Variants in NRXN3 observed in about 807,000 individuals in gnomAD.
NRXN3 encodes the protein neurexin III.
A neutral mutation model predicts 137.6 loss-of-function variants in NRXN3; 32 were observed. That is an observed-to-expected ratio of 0.23 (90% confidence interval 0.18 to 0.31). NRXN3 has a LOEUF of 0.31. NRXN3 is among the 10% of genes least tolerant of loss of function. NRXN3 has a pLI of 1.00. For synonymous variants in NRXN3, 798 were observed against 784.5 expected, an observed-to-expected ratio of 1.02 and a Z score of -0.29; for missense variants, 1,574 against 2,062.5, an observed-to-expected ratio of 0.76 and a Z score of 4.59.
chr14:79,593,630 C>T (rs1164564506), intron 16 of NRXN3, among the ~76,000 whole-genome samples: 2 of 74,802 alleles, frequency 2.7e-5, no homozygotes, highest in South Asian at 9.2e-4. Context: ...GACTCCGTCT[C>T]AAAAAAAAAA....
chr14:78,783,156 G>A (rs183029305), intron 8 of NRXN3, among the ~76,000 whole-genome samples: 1 of 152,304 alleles, frequency 6.6e-6, no homozygotes, highest in East Asian at 1.9e-4. Context: ...GAACTTGGAA[G>A]ATCCTGACTT....
chr14:78,875,127 G>A (rs926994030), intron 10 of NRXN3, among the ~76,000 whole-genome samples: 11 of 152,152 alleles, frequency 7.2e-5, no homozygotes, highest in African/African-American at 2.7e-4. Context: ...CTTGCATAAC[G>A]TTTTGCTGAA....
At chr14:79,660,969 A>C (rs1429199161) in intron 16 of NRXN3, among the ~76,000 whole-genome samples, 1 of 152,156 alleles carries the variant, frequency 6.6e-6, no homozygotes, top group African/African-American at 2.4e-5. Context: ...GCAGTGACAC[A>C]CACACACCCT....
At chr14:79,809,493 T>A (rs2099223904) in intron 20 of NRXN3, among the ~76,000 whole-genome samples, 1 of 152,144 alleles carries the variant, frequency 6.6e-6, no homozygotes, top group Non-Finnish European at 1.5e-5. Flanking sequence ...TATCCCTACC[T>A]TTTTCTGGGA....
intron 4 of NRXN3, among the ~76,000 whole-genome samples, chr14:78,415,575 A>G (rs555145256): frequency 2.6e-5 from 4 of 152,264 alleles, no homozygotes; most frequent in Middle Eastern, 3.4e-3. Flanking sequence ...TCCTTGCTCA[A>G]TTGTCTAACC....
intron 8 of NRXN3, among the ~76,000 whole-genome samples, chr14:78,786,839 A>G (rs373993075): frequency 1.1e-4 from 17 of 152,310 alleles, no homozygotes; most frequent in African/African-American, 3.4e-4. Flanking sequence ...TAAGGACAGT[A>G]AAAAGCAAAC....
At chr14:78,593,226 C>T (rs1313446121) in intron 4 of NRXN3, among the ~76,000 whole-genome samples, 2 of 152,214 alleles carry the variant, frequency 1.3e-5, no homozygotes, top group Non-Finnish European at 1.5e-5. Flanking sequence ...CCGCCCTGTC[C>T]TCTATCCACC....
chr14:78,254,678 CAA>C (rs36116506), intron 2 of NRXN3, among the ~76,000 whole-genome samples: 1,458 of 122,104 alleles, frequency 0.012, 25 homozygotes, highest in African/African-American at 0.045. Flanking sequence ...ACTCCATCTC[CAA>C]AAAAAAAAAA....
chr14:78,896,958 A>G (rs1171082493), intron 10 of NRXN3, among the ~76,000 whole-genome samples: 1 of 151,838 alleles, frequency 6.6e-6, no homozygotes, highest in Non-Finnish European at 1.5e-5. Flanking sequence ...GAGTTTGGCA[A>G]ACTATGATTT....
At chr14:78,796,005 C>A (rs1287300871) in intron 8 of NRXN3, among the ~76,000 whole-genome samples, 1 of 152,226 alleles carries the variant, frequency 6.6e-6, no homozygotes, top group Non-Finnish European at 1.5e-5. Context: ...TGCCAGTTAT[C>A]AGTCTAGGGC....
chr14:78,932,207 G>A (rs1033261638), intron 10 of NRXN3, among the ~76,000 whole-genome samples: 5 of 152,094 alleles, frequency 3.3e-5, no homozygotes, highest in African/African-American at 4.8e-5. Flanking sequence ...GAGAGTGTGA[G>A]CTTGAGAATT....
intron 15 of NRXN3, among the ~76,000 whole-genome samples, chr14:79,081,310 A>G (rs2046944021): frequency 6.6e-6 from 1 of 152,190 alleles, no homozygotes; most frequent in Non-Finnish European, 1.5e-5. Context: ...ATGAAAACAG[A>G]GTGAGAAAAG....
chr14:79,784,961 A>T (rs2099125035), intron 19 of NRXN3, among the ~76,000 whole-genome samples: 1 of 152,210 alleles, frequency 6.6e-6, no homozygotes, highest in Non-Finnish European at 1.5e-5. Flanking sequence ...AAAACTCTGC[A>T]GGATGAATTT....
At chr14:78,237,347 G>A (rs964848111) in intron 1 of NRXN3, among the ~76,000 whole-genome samples, 5 of 152,258 alleles carry the variant, frequency 3.3e-5, no homozygotes, top group Non-Finnish European at 7.3e-5. Context: ...GGAAGTCACA[G>A]GATTCATTGG....
intron 16 of NRXN3, among the ~76,000 whole-genome samples, chr14:79,520,111 C>T (rs775297792): frequency 1.1e-4 from 17 of 151,956 alleles, no homozygotes; most frequent in Non-Finnish European, 1.9e-4. Flanking sequence ...ACCTTCATTG[C>T]GAATTTCATC....
At chr14:79,257,433 G>A (rs1288155439) in intron 15 of NRXN3, among the ~76,000 whole-genome samples, 4 of 61,830 alleles carry the variant, frequency 6.5e-5, no homozygotes, top group Non-Finnish European at 1.3e-4. Flanking sequence ...GATGGTGGTG[G>A]TGGTGGTGGT....
At chr14:78,582,631 A>G (rs1305122223) in intron 4 of NRXN3, among the ~76,000 whole-genome samples, 2 of 152,152 alleles carry the variant, frequency 1.3e-5, no homozygotes, top group Admixed American at 6.5e-5. Flanking sequence ...TGCCTCTGTC[A>G]TGAGATGACA....
intron 10 of NRXN3, among the ~76,000 whole-genome samples, chr14:78,815,711 G>A (rs753781002): frequency 1.3e-5 from 2 of 151,542 alleles, no homozygotes; most frequent in Non-Finnish European, 2.9e-5. Context: ...TCATCTTTAC[G>A]AATCGTTTAT....
At position 78,223,010 on chromosome 14, in the gene NRXN3, A is replaced by C. The variant is rs369581261; in HGVS notation, c.-703-19381A>C. ...AAGAATTCAAAACTTATTTTTGGTAATGTCACTCAACAAATATTTAGGGTC... is the reference window on the plus strand; with the variant it reads ...AAGAATTCAAAACTTATTTTTGGTACTGTCACTCAACAAATATTTAGGGTC... On this transcript the variant is annotated intron_variant, in intron 1 of 20. Transcript: ENST00000335750. 3.3e-5 allele frequency among the ~76,000 whole-genome samples: 5 copies of C among 152,358 alleles called. No individual in the cohort carries two copies. The South Asian group carries it at 1.0e-3, about 32-fold the overall frequency.
Sources: allele counts gnomAD v4.1 joint callset (sites outside exome capture counted in the v4.1 genomes callset), GRCh38; gene constraint gnomAD v4.1.1; transcripts MANE v1.5; gene names NCBI Gene and HGNC (gene_info 2026-07-23, HGNC 2026-07-21).